FAM161A: variants seen among roughly 807,000 people sequenced by gnomAD.
The protein encoded by FAM161A is FAM161 centrosomal protein A.
A neutral mutation model predicts 70.9 loss-of-function variants in FAM161A; 57 were observed. That is an observed-to-expected ratio of 0.80 (90% CI 0.65 to 1.00). The LOEUF (loss-of-function observed/expected upper bound fraction) is 1.00. FAM161A is among the 50% of genes least tolerant of loss of function. The probability of loss-of-function intolerance (pLI) is 0.00; values close to 1 mark genes in which losing one functional copy is unlikely to be tolerated. For missense variants in FAM161A, 880 were observed against 836.0 expected (o/e 1.05, Z -0.65); for synonymous variants, 299 against 295.7 (o/e 1.01, Z -0.12).
the FAM161A span, among the ~76,000 whole-genome samples, chr2:61,816,669 C>A: frequency 6.6e-6 from 1 of 152,178 alleles, no homozygotes; most frequent in African/African-American, 2.4e-5. Flanking sequence ...GGGGGTCTTG[C>A]TATGTTGCCC....
the FAM161A span, among the ~76,000 whole-genome samples, chr2:61,811,349 C>T: frequency 9.2e-4 from 140 of 152,106 alleles, 1 homozygote; most frequent in Non-Finnish European, 1.7e-3. Context: ...AGGTATGCGC[C>T]GCCGCACCTG....
At chr2:61,818,518 T>C in the FAM161A span, among the ~76,000 whole-genome samples, 1 of 152,156 alleles carries the variant, frequency 6.6e-6, no homozygotes, top group African/African-American at 2.4e-5. Context: ...AAGATGTAAA[T>C]AAAACACACA....
chr2:61,848,659 T>A (rs1438320319), intron 1 of FAM161A, among the ~76,000 whole-genome samples: 1 of 150,362 alleles, frequency 6.7e-6, no homozygotes, highest in Non-Finnish European at 1.5e-5. Flanking sequence ...GCCTATATAG[T>A]TTCATCTGCA....
downstream of FAM161A, among the ~76,000 whole-genome samples, chr2:61,822,004 A>T (rs1026149181): frequency 4.0e-5 from 6 of 151,718 alleles, no homozygotes; most frequent in Admixed American, 2.0e-4. Context: ...CCTGACCTCA[A>T]GTAATCTGCC....
At chr2:61,818,795 C>G in the FAM161A span, among the ~76,000 whole-genome samples, 2 of 152,148 alleles carry the variant, frequency 1.3e-5, no homozygotes, top group Non-Finnish European at 2.9e-5. Context: ...AATACTAAAA[C>G]TGTTAGGTAA....
At chr2:61,822,958 T>G (rs1009186909), downstream of FAM161A, among the ~76,000 whole-genome samples, 3 of 152,132 alleles carry the variant, frequency 2.0e-5, no homozygotes, top group Admixed American at 2.0e-4. Context: ...GTGACTAGAA[T>G]TAACTTGAGA....
At chr2:61,846,165 T>C (rs1337704180) in intron 1 of FAM161A, among the ~76,000 whole-genome samples, 1 of 148,264 alleles carries the variant, frequency 6.7e-6, no homozygotes, top group Non-Finnish European at 1.5e-5. Flanking sequence ...AAGGGGAAAG[T>C]ACCCTAGGCA....
the FAM161A span, among the ~76,000 whole-genome samples, chr2:61,810,171 AAACT>A: frequency 6.6e-6 from 1 of 152,218 alleles, no homozygotes; most frequent in Non-Finnish European, 1.5e-5. Flanking sequence ...TATGCAGCTG[AAACT>A]AAATTATACA....
the FAM161A span, among the ~76,000 whole-genome samples, chr2:61,814,504 G>T: frequency 6.6e-6 from 1 of 151,546 alleles, no homozygotes; most frequent in Admixed American, 6.6e-5. Flanking sequence ...CTCTGCTCGA[G>T]AGGAGTTTCA....
At chr2:61,832,266 ACAACAACAACAAAAAAC>A (rs1325145377) in intron 5 of FAM161A, among the ~76,000 whole-genome samples, 2 of 150,926 alleles carry the variant, frequency 1.3e-5, no homozygotes, top group African/African-American at 2.4e-5. Context: ...AAAACCAACA[ACAACAACAACAAAAAAC>A]CAACAACAAC....
chr2:61,838,892 A>ATTTATTT (rs747578151), intron 3 of FAM161A, among the ~76,000 whole-genome samples, 187 bp from the exon 4 acceptor site: 66 of 130,338 alleles, frequency 5.1e-4, no homozygotes, highest in African/African-American at 1.6e-3. Context: ...TTATTTATTT[A>ATTTATTT]TTTTTTTTGA....
downstream of FAM161A, among the ~76,000 whole-genome samples, chr2:61,821,339 CTGCGCCCAGCTA>C (rs1280441886): frequency 1.6e-4 from 25 of 152,328 alleles, no homozygotes; most frequent in Non-Finnish European, 2.9e-4. Context: ...GCGTGAGCCA[CTGCGCCCAGCTA>C]TGCCTTGACT....
At chr2:61,847,182 C>G (rs995176506) in intron 1 of FAM161A, among the ~76,000 whole-genome samples, 1 of 151,958 alleles carries the variant, frequency 6.6e-6, no homozygotes, top group African/African-American at 2.4e-5. Flanking sequence ...AAACAAAAAT[C>G]CACAGAATTA....
chr2:61,807,555 A>G, the FAM161A span, among the ~76,000 whole-genome samples: 8 of 151,234 alleles, frequency 5.3e-5, no homozygotes, highest in African/African-American at 1.9e-4. Context: ...GCCAATCCCA[A>G]AATAGGCTCT....
rs1323819562 is a variant in FAM161A at position 61,826,347 on chromosome 2, C to T, written c.*108G>A. 1.6e-6 allele frequency: 2 copies of T among 1,217,898 alleles called. No individual in the cohort carries two copies. The highest frequency in any genetic ancestry group is 2.6e-5 in the South Asian group (2 of 77,564). 75.4% of individuals were successfully genotyped at this position (1,217,898 alleles called of 1,614,324 possible). A position where few individuals can be genotyped will look rare whatever the true frequency, so the allele number is the denominator to read the frequency against. On this transcript the variant is annotated 3_prime_UTR_variant, in exon 7 of 7. Coordinates refer to ENST00000404929, the MANE Select transcript of FAM161A (RefSeq NM_001201543.2). The stretch of plus-strand genomic sequence containing the variant: ...GCTACAGATGACTTTGATCAACAGC[C>T]CTGCACATATCAGAAGCGTCCCCAC...
chr2:61,840,324 T>C lies in FAM161A; in HGVS notation c.680A>G (p.Lys227Arg). ...TGFHAAEKRR[K>R]KRKEWVPTIT... ...TGTGGGCACCCATTCTTTTCGTTTCTTCCTTCTTTTTTCAGCTGCATGGAA... is the reference window on the plus strand; with the variant it reads ...TGTGGGCACCCATTCTTTTCGTTTCCTCCTTCTTTTTTCAGCTGCATGGAA... Residue 227 changes from lysine (K) to arginine (R), a missense_variant, in exon 3 of 7, where the codon AAG becomes AGG. Lys to Arg is a conservative substitution (Grantham distance 26). Transcript: ENST00000404929. 3.1e-6 allele frequency: 5 copies of C among 1,614,144 alleles called. No homozygotes were observed. The highest frequency in any genetic ancestry group is 4.2e-6 in the Non-Finnish European group (5 of 1,180,024).
chr2:61,852,930 A>G (rs944218840), intron 1 of FAM161A, among the ~76,000 whole-genome samples: 2 of 139,684 alleles, frequency 1.4e-5, no homozygotes, highest in African/African-American at 2.6e-5. Context: ...TAAATTCAAG[A>G]TTCCCATCTT....
chr2:61,814,840 T>A, the FAM161A span, among the ~76,000 whole-genome samples: 2 of 152,234 alleles, frequency 1.3e-5, no homozygotes, highest in African/African-American at 2.4e-5. Context: ...CAACCTCTTC[T>A]CCTTCAAAGA....
chr2:61,839,729 C>T lies in FAM161A; in HGVS notation c.1275G>A (p.Arg425=). The T allele has an allele frequency of 6.2e-7, 1 of 1,614,132 alleles. No homozygotes were observed. Among genetic ancestry groups the T allele is most frequent in the East Asian group, 2.2e-5 (1 of 44,880 alleles). ...GGTCCTCAAAATCAGGAGTTGGGCA[C>T]CTAACCTTGTGTTTACACTTCAACT... ...AVKLKCKHKV[R]CPTPDFEDLP... is the part of the protein sequence containing the mutation. Residue 425 remains arginine, a synonymous_variant, in exon 3 of 7, where the codon AGG becomes AGA. Coordinates refer to ENST00000404929, the MANE Select transcript of FAM161A (RefSeq NM_001201543.2).
Sources: gnomAD v4.1 joint callset for allele counts (sites outside exome capture counted in the v4.1 genomes callset) on GRCh38, gnomAD v4.1.1 for gene constraint, MANE v1.5 for transcripts, NCBI Gene and HGNC (gene_info 2026-07-23, HGNC 2026-07-21) for gene names.